The following FGD4 variants were observed in gnomAD, a reference collection of about 807,000 sequenced individuals.
FGD4 encodes the protein FYVE, RhoGEF and PH domain containing 4, also known as FYVE, RhoGEF and PH domain-containing protein 4.
FGD4 carries 42 observed loss-of-function variants against 102.0 expected under a neutral mutation model. The ratio of observed to expected loss-of-function variants is 0.41; its 90% CI spans 0.32 to 0.53. FGD4 has a LOEUF of 0.53. Ranked by LOEUF, FGD4 falls within the 20% of genes least tolerant of loss-of-function variation. The probability of loss-of-function intolerance (pLI) is 0.21; values close to 1 mark genes in which losing one functional copy is unlikely to be tolerated. For synonymous variants in FGD4, 380 were observed against 375.7 expected, an observed-to-expected ratio of 1.01 and a Z score of -0.13; for missense variants, 902 against 1,078.2, an observed-to-expected ratio of 0.84 and a Z score of 2.29.
At chr12:32,611,337 TG>T in intron 10 of FGD4, 54 bp downstream of exon 10, 1 of 1,601,978 alleles carries the variant, frequency 6.2e-7, no homozygotes, top group East Asian at 2.2e-5. Context: ...AAAATATGGC[TG>T]GGCACGGTGG....
intron 1 of FGD4, among the ~76,000 whole-genome samples, chr12:32,425,255 G>A (rs938565286): frequency 2.0e-5 from 3 of 152,160 alleles, no homozygotes; most frequent in Non-Finnish European, 2.9e-5. Context: ...TGTATAAGGT[G>A]TAAGGAAGCA....
At chr12:32,442,493 TGGTGGGGTGG>T (rs1193788647) in intron 1 of FGD4, among the ~76,000 whole-genome samples, 1 of 150,548 alleles carries the variant, frequency 6.6e-6, no homozygotes, top group African/African-American at 2.4e-5. Context: ...GGTGTCCTTG[TGGTGGGGTGG>T]GGTGATAGAT....
intron 1 of FGD4, among the ~76,000 whole-genome samples, chr12:32,484,926 G>C (rs543635090): frequency 6.6e-6 from 1 of 152,186 alleles, no homozygotes; most frequent in East Asian, 1.9e-4. Flanking sequence ...AAGAAATGGC[G>C]CCTCACTCTG....
At chr12:32,638,829 G>A in intron 16 of FGD4, 34 bp downstream of exon 16, 1 of 1,613,458 alleles carries the variant, frequency 6.2e-7, no homozygotes, top group South Asian at 1.1e-5. Context: ...AGGGACAGAT[G>A]CCCTTGGGGG....
At chr12:32,538,653 C>T (rs540693767) in intron 1 of FGD4, among the ~76,000 whole-genome samples, 2 of 152,088 alleles carry the variant, frequency 1.3e-5, no homozygotes, top group African/African-American at 2.4e-5. Context: ...TGGGCTGTGT[C>T]GTAAGACAGA....
chr12:32,417,758 A>G (rs1941476005), intron 1 of FGD4, among the ~76,000 whole-genome samples: 2 of 151,906 alleles, frequency 1.3e-5, no homozygotes, highest in African/African-American at 4.8e-5. Flanking sequence ...CAGTATGCCA[A>G]TTCCATTTTT....
intron 14 of FGD4, among the ~76,000 whole-genome samples, chr12:32,626,543 G>A (rs1267603612): frequency 6.6e-6 from 1 of 151,998 alleles, no homozygotes; most frequent in Non-Finnish European, 1.5e-5. Context: ...CAAAGACCCT[G>A]AGGTAAGAAG....
intron 1 of FGD4, among the ~76,000 whole-genome samples, chr12:32,527,557 G>GTAGC (rs1476842133): frequency 1.3e-5 from 2 of 152,152 alleles, no homozygotes; most frequent in African/African-American, 2.4e-5. Flanking sequence ...AGCCTCCCGA[G>GTAGC]TAGCTGGGAC....
chr12:32,612,301 C>T (rs1203577542), intron 10 of FGD4, among the ~76,000 whole-genome samples: 1 of 152,236 alleles, frequency 6.6e-6, no homozygotes, highest in Non-Finnish European at 1.5e-5. Flanking sequence ...GCGCGTGACC[C>T]GGACCCTGTG....
chr12:32,540,372 CA>C (rs2136124148), intron 1 of FGD4, among the ~76,000 whole-genome samples: 1 of 152,168 alleles, frequency 6.6e-6, no homozygotes, highest in African/African-American at 2.4e-5. Flanking sequence ...TTTGTTTAAA[CA>C]AAGACTTTCT....
chr12:32,620,520 C>CTT (rs1233071153), intron 11 of FGD4, among the ~76,000 whole-genome samples: 413 of 91,082 alleles, frequency 4.5e-3, no homozygotes, highest in East Asian at 7.9e-3. Context: ...TTTTTTCTTT[C>CTT]TTTTTTTTTT....
intron 8 of FGD4, among the ~76,000 whole-genome samples, chr12:32,609,463 T>C (rs933749548): frequency 2.0e-5 from 3 of 152,156 alleles, no homozygotes; most frequent in Non-Finnish European, 4.4e-5. Context: ...CCATCTTATT[T>C]TGTCTTCCTC....
intron 1 of FGD4, among the ~76,000 whole-genome samples, chr12:32,480,634 G>A (rs1443757962): frequency 2.6e-5 from 4 of 151,416 alleles, no homozygotes; most frequent in Non-Finnish European, 1.5e-5. Context: ...CCGAGTAGCT[G>A]GGATTACAGG....
chr12:32,426,616 T>G (rs890054355), intron 1 of FGD4, among the ~76,000 whole-genome samples: 4 of 152,206 alleles, frequency 2.6e-5, no homozygotes, highest in African/African-American at 9.6e-5. Flanking sequence ...TTTCTGTTGT[T>G]TGGAATAGTT....
chr12:32,481,127 C>CAAAAAAAAAAAA lies in FGD4; in HGVS notation c.166+81187_166+81198dup, dbSNP rs1157108520. 2.4e-3 allele frequency among the ~76,000 whole-genome samples: 66 copies of CAAAAAAAAAAAA among 27,362 alleles called. 14 individuals are homozygous for CAAAAAAAAAAAA. Among genetic ancestry groups the CAAAAAAAAAAAA allele is most frequent in the South Asian group, 0.021 (7 of 328 alleles). The allele number at this position is 27,362 out of a possible 152,430, so 18.0% of individuals were successfully genotyped here. ...TGGGTGACAGAGTGAGACTCCGTCT[C>CAAAAAAAAAAAA]AAAAAAAAAAAAAAAAAAAAAAAAA... On this transcript the variant is annotated intron_variant, in intron 1 of 16. Transcript: ENST00000534526.
At chr12:32,481,346 T>C (rs1169724008) in intron 1 of FGD4, among the ~76,000 whole-genome samples, 2 of 152,098 alleles carry the variant, frequency 1.3e-5, no homozygotes, top group Non-Finnish European at 2.9e-5. Context: ...AGTGTTCTAG[T>C]TTTCATATTG....
chr12:32,570,595 C>T (rs1346681486), intron 2 of FGD4, among the ~76,000 whole-genome samples: 2 of 152,026 alleles, frequency 1.3e-5, no homozygotes, highest in Non-Finnish European at 2.9e-5. Flanking sequence ...GCATGTGCCA[C>T]CACGCCCGGC....
intron 1 of FGD4, among the ~76,000 whole-genome samples, chr12:32,431,289 G>A (rs1431103972): frequency 2.6e-5 from 4 of 152,114 alleles, no homozygotes; most frequent in African/African-American, 9.7e-5. Flanking sequence ...TATATTGGCG[G>A]CAATTGCGTG....
chr12:32,511,312 G>GAC (rs1555191624), intron 1 of FGD4: 1 of 151,934 alleles, frequency 6.6e-6, no homozygotes, highest in Non-Finnish European at 1.5e-5. Flanking sequence ...CGATCGGTGT[G>GAC]ATATATATAT....
Sources: gnomAD v4.1 joint callset for allele counts (sites outside exome capture counted in the v4.1 genomes callset) on GRCh38, gnomAD v4.1.1 for gene constraint, MANE v1.5 for transcripts, NCBI Gene and HGNC (gene_info 2026-07-23, HGNC 2026-07-21) for gene names.